Variants in SPDYE21 observed in about 807,000 individuals in gnomAD.
The protein encoded by SPDYE21 is speedy/RINGO cell cycle regulator family member E21.
SPDYE21 carries 14 observed loss-of-function variants against 36.2 expected under a neutral mutation model. That is an observed-to-expected ratio of 0.39 (90% CI 0.26 to 0.61). The LOEUF is 0.61. Ranked by LOEUF, SPDYE21 falls within the 20% of genes least tolerant of loss-of-function variation. The pLI, the probability that SPDYE21 is intolerant of heterozygous loss-of-function variation, is 0.55. For missense variants in SPDYE21, 233 were observed against 424.6 expected, an observed-to-expected ratio of 0.55 and a Z score of 3.97; for synonymous variants, 58 against 155.1, an observed-to-expected ratio of 0.37 and a Z score of 4.65.
chr7:67,288,004 T>TGCC lies in SPDYE21; in HGVS notation c.*532_*533insGCC, dbSNP rs1802770839. On this transcript the variant is annotated 3_prime_UTR_variant, in exon 9 of 9. Transcript: ENST00000424157. ...GTTTGGAAAATGTTGGCCATTGAAT[T>TGCC]ATTCATAGATTTATTTCAAATAGTT... Among the ~76,000 whole-genome samples the TGCC allele has an allele frequency of 6.6e-6, 1 of 151,532 alleles. No homozygotes were observed. The highest frequency in any genetic ancestry group is 2.4e-5 in the African/African-American group (1 of 41,262).
At chr7:67,286,917 T>G (rs1802747559) in intron 8 of SPDYE21, among the ~76,000 whole-genome samples, 2 of 152,142 alleles carry the variant, frequency 1.3e-5, no homozygotes, top group African/African-American at 4.8e-5. Context: ...TGCACTCCAG[T>G]CTGGGCGACA....
intron 6 of SPDYE21, among the ~76,000 whole-genome samples, chr7:67,284,752 C>T (rs1322031994): frequency 6.6e-6 from 1 of 151,644 alleles, no homozygotes; most frequent in Non-Finnish European, 1.5e-5. Context: ...AGTCTCTCCC[C>T]AAGCCAGGGG....
At chr7:67,281,079 C>CTCAACAACAACAACA (rs1357111652) in intron 3 of SPDYE21, among the ~76,000 whole-genome samples, 1 of 99,792 alleles carries the variant, frequency 1.0e-5, no homozygotes, top group East Asian at 4.1e-4. Context: ...AAGACTGTTT[C>CTCAACAACAACAACA]GCAACAACAA....
At position 67,280,019 on chromosome 7, in the gene SPDYE21, A is replaced by C; in HGVS notation, c.362A>C (p.Asp121Ala). 7.6e-6 allele frequency: 12 copies of C among 1,585,872 alleles called. No individual in the cohort carries two copies. The highest frequency in any genetic ancestry group is 2.3e-4 in the Middle Eastern group (1 of 4,408). Residue 121 changes from aspartate (D) to alanine (A), a missense_variant, in exon 3 of 9, where the codon GAC becomes GCC. Coordinates refer to ENST00000424157, the MANE Select transcript of SPDYE21 (RefSeq NM_001382715.2). ...CCCATCCTCCCTGAGCACCACAAGG[A>C]CTTCAACAGTCAGCTTGGTAGGAGG... ...VSPILPEHHK[D>A]FNSQLAPGVD... is the part of the protein sequence containing the mutation.
chr7:67,286,591 G>C lies in SPDYE21; in HGVS notation c.1181G>C (p.Trp394Ser), dbSNP rs200963278. Among the ~76,000 whole-genome samples the C allele has an allele frequency of 6.6e-5, 10 of 152,128 alleles. No individual in the cohort carries two copies. Among genetic ancestry groups the C allele is most frequent in the Admixed American group, 4.6e-4 (7 of 15,254 alleles). Residue 394 changes from tryptophan to serine, a missense_variant, in exon 8 of 9, where the codon TGG becomes TCG. Trp to Ser is a radical substitution (Grantham distance 177). Coordinates refer to ENST00000424157, the MANE Select transcript of SPDYE21 (RefSeq NM_001382715.2). ...IQAYDPEHWV[W>S]ARDRAHLS ...GCTTATGACCCAGAGCACTGGGTGT[G>C]GGCACGAGATCGCGCTCACCTTTCC...
Position 67,282,694 on chromosome 7 carries a change from G to A in SPDYE21, c.669+1G>A. On this transcript the variant is annotated splice_donor_variant, in intron 5 of 8. Transcript: ENST00000424157. LOFTEE classifies it high-confidence loss of function. Reference sequence around the variant, plus strand: ...CAAAGATCTGAGGGTGTCGGACAAGGTAAGGTTGTTCTCCATGTAACTGTT... The same window carrying A: ...CAAAGATCTGAGGGTGTCGGACAAGATAAGGTTGTTCTCCATGTAACTGTT... 2 of 1,463,352 alleles carry A rather than the reference G, an allele frequency of 1.4e-6. No individual in the cohort carries two copies. The highest frequency in any genetic ancestry group is 1.8e-6 in the Non-Finnish European group (2 of 1,092,472). 90.6% of individuals were successfully genotyped at this position (1,463,352 alleles called of 1,614,324 possible).
In SPDYE21 at chr7:67,286,590, T is replaced by G. The variant is rs1185836213; in HGVS notation, c.1180T>G (p.Trp394Gly). 1.3e-5 allele frequency among the ~76,000 whole-genome samples: 2 copies of G among 151,956 alleles called. No homozygotes were observed. Among genetic ancestry groups the G allele is most frequent in the African/African-American group, 4.8e-5 (2 of 41,350 alleles). Residue 394 changes from tryptophan to glycine, a missense_variant, in exon 8 of 9, where the codon TGG (tryptophan) becomes GGG (glycine). Trp to Gly is a radical substitution (Grantham distance 184). Coordinates refer to ENST00000424157, the MANE Select transcript of SPDYE21 (RefSeq NM_001382715.2). Reference sequence around the variant, plus strand: ...GGCTTATGACCCAGAGCACTGGGTGTGGGCACGAGATCGCGCTCACCTTTC... The same window carrying G: ...GGCTTATGACCCAGAGCACTGGGTGGGGGCACGAGATCGCGCTCACCTTTC... ...IQAYDPEHWV[W>G]ARDRAHLS
In SPDYE21 at chr7:67,286,266, G is replaced by A; in HGVS notation, c.978G>A (p.Lys326=). 1 of 1,589,096 alleles carries A rather than the reference G, an allele frequency of 6.3e-7. No individual in the cohort carries two copies. Among genetic ancestry groups the A allele is most frequent in the African/African-American group, 1.3e-5 (1 of 74,634 alleles). Residue 326 remains lysine, a synonymous_variant, in exon 7 of 9, where the codon AAG becomes AAA. Coordinates refer to ENST00000424157, the MANE Select transcript of SPDYE21 (RefSeq NM_001382715.2). ...LGRSMNPRAR[K]YRSRIPLVRK... ...GTTCCATGAACCCGAGGGCCAGGAAGTACCGCTCTCGCATACCCTTGGTCC... is the reference window on the plus strand; with the variant it reads ...GTTCCATGAACCCGAGGGCCAGGAAATACCGCTCTCGCATACCCTTGGTCC...
chr7:67,280,376 A>G (rs527955131), intron 3 of SPDYE21, among the ~76,000 whole-genome samples: 1,602 of 152,188 alleles, frequency 0.011, 6 homozygotes, highest in Non-Finnish European at 0.017. Flanking sequence ...ACTGCACTCC[A>G]GCCTGGGTGA....
intron 5 of SPDYE21, among the ~76,000 whole-genome samples, chr7:67,283,138 A>C (rs1040844975): frequency 6.0e-5 from 9 of 150,886 alleles, no homozygotes; most frequent in Middle Eastern, 3.4e-3. Flanking sequence ...GGCACCCACA[A>C]ATTTTTTTTT....
chr7:67,279,819 C>T lies in SPDYE21; in HGVS notation c.162C>T (p.Ala54=). Residue 54 remains alanine, a splice_region_variant and synonymous_variant, in exon 3 of 9, where the codon GCC becomes GCT. Transcript: ENST00000424157. The part of the protein sequence containing the change: ...VVDDEVLGPS[A]PGVDPSPPCR... ...CAGTGGCCTGGTTTCTTTACTCAGC[C>T]CCTGGGGTAGATCCCAGCCCCCCAT... 1.9e-6 allele frequency: 3 copies of T among 1,594,272 alleles called. No homozygotes were observed. Among genetic ancestry groups the T allele is most frequent in the African/African-American group, 1.3e-5 (1 of 74,378 alleles).
At chr7:67,280,607 G>A (rs544398191) in intron 3 of SPDYE21, among the ~76,000 whole-genome samples, 7 of 133,128 alleles carry the variant, frequency 5.3e-5, no homozygotes, top group East Asian at 2.5e-4. Flanking sequence ...CAGGATAATC[G>A]CTTGAACCCA....
rs1584750474 is a variant in SPDYE21 at position 67,287,676 on chromosome 7, G to A, written c.*204G>A. Reference sequence around the variant, plus strand: ...GAATACAGTGATCACGTGTCCTCCTGGGAGCAGGGGTTGGGGGAGGGGGGT... The same window carrying A: ...GAATACAGTGATCACGTGTCCTCCTAGGAGCAGGGGTTGGGGGAGGGGGGT... On this transcript the variant is annotated 3_prime_UTR_variant, in exon 9 of 9. Transcript: ENST00000424157. 7.8e-6 allele frequency among the ~76,000 whole-genome samples: 1 copy of A among 128,432 alleles called. No homozygotes were observed. Among genetic ancestry groups the A allele is most frequent in the Admixed American group, 8.1e-5 (1 of 12,310 alleles). The allele number at this position is 128,432 out of a possible 152,430, so 84.3% of individuals were successfully genotyped here.
At chr7:67,282,535 T>A (rs890563730) in intron 4 of SPDYE21, 100 bp from the exon 5 acceptor site, 41 of 1,545,122 alleles carry the variant, frequency 2.7e-5, no homozygotes, top group African/African-American at 8.2e-5. Flanking sequence ...GCGGCCACAA[T>A]CCTGAGACTT....
intron 6 of SPDYE21, among the ~76,000 whole-genome samples, chr7:67,285,659 G>A (rs1447026326): frequency 1.3e-5 from 2 of 152,202 alleles, no homozygotes; most frequent in Non-Finnish European, 2.9e-5. Context: ...TAAAGTGCTG[G>A]GATTACAGGC....
intron 5 of SPDYE21, among the ~76,000 whole-genome samples, chr7:67,283,193 G>T (rs1802672688): frequency 6.6e-6 from 1 of 150,554 alleles, no homozygotes; most frequent in Admixed American, 6.7e-5. Flanking sequence ...GAGTGCAGTG[G>T]CATGATCATA....
chr7:67,285,787 A>C (rs1357564945), intron 6 of SPDYE21, among the ~76,000 whole-genome samples: 1 of 151,920 alleles, frequency 6.6e-6, no homozygotes, highest in Non-Finnish European at 1.5e-5. Flanking sequence ...TTGGCCTCCC[A>C]ATGTGCTGGG....
chr7:67,283,944 G>A lies in SPDYE21; in HGVS notation c.701G>A (p.Ser234Asn). The A allele has an allele frequency of 6.3e-7, 1 of 1,593,330 alleles. No homozygotes were observed. Among genetic ancestry groups the A allele is most frequent in the South Asian group, 1.1e-5 (1 of 90,548 alleles). ...CTGGCTATGGTCATAGTGTATTTCAGCCGGGCCGGCCTCCCCTCCTGGCAA... is the reference window on the plus strand; with the variant it reads ...CTGGCTATGGTCATAGTGTATTTCAACCGGGCCGGCCTCCCCTCCTGGCAA... The part of the protein sequence containing the change: ...YLLAMVIVYF[S>N]RAGLPSWQYQ... Residue 234 changes from serine (S) to asparagine (N), a missense_variant, in exon 6 of 9, where the codon AGC (serine) becomes AAC (asparagine). Transcript: ENST00000424157.
chr7:67,283,955 C>G lies in SPDYE21; in HGVS notation c.712C>G (p.Leu238Val). Residue 238 changes from leucine (L) to valine (V), a missense_variant, in exon 6 of 9, where the codon CTC (leucine) becomes GTC (valine). By Grantham distance (32) the Leu-to-Val change is conservative. Transcript: ENST00000424157. ...MVIVYFSRAG[L>V]PSWQYQRIHF... Reference sequence around the variant, plus strand: ...CATAGTGTATTTCAGCCGGGCCGGCCTCCCCTCCTGGCAATACCAACGCAT... The same window carrying G: ...CATAGTGTATTTCAGCCGGGCCGGCGTCCCCTCCTGGCAATACCAACGCAT... 1 of 1,601,328 alleles carries G rather than the reference C, an allele frequency of 6.2e-7. No homozygotes were observed. Among genetic ancestry groups the G allele is most frequent in the Non-Finnish European group, 8.5e-7 (1 of 1,170,440 alleles).
Sources: gnomAD v4.1 joint callset for allele counts (sites outside exome capture counted in the v4.1 genomes callset) on GRCh38, gnomAD v4.1.1 for gene constraint, MANE v1.5 for transcripts, NCBI Gene and HGNC (gene_info 2026-07-23, HGNC 2026-07-21) for gene names.